Variants in TDRD12 observed in about 807,000 individuals in gnomAD.
TDRD12 encodes putative ATP-dependent RNA helicase TDRD12.
In TDRD12, 158 loss-of-function variants were observed where a neutral mutation model predicts 133.5. That is an observed-to-expected ratio of 1.18 (90% CI 1.04 to 1.35). The LOEUF (loss-of-function observed/expected upper bound fraction) is 1.35. Ranked by LOEUF, TDRD12 falls within the 40% of genes most tolerant of loss-of-function variation. The pLI is 0.00. For synonymous variants in TDRD12, 460 were observed against 477.9 expected, an observed-to-expected ratio of 0.96 and a Z score of 0.49; for missense variants, 1,443 against 1,321.3, an observed-to-expected ratio of 1.09 and a Z score of -1.43.
At chr19:32,732,361 G>A (rs1017710227) in intron 2 of TDRD12, among the ~76,000 whole-genome samples, 2 of 152,132 alleles carry the variant, frequency 1.3e-5, no homozygotes, top group African/African-American at 4.8e-5. Context: ...GGGGGTGGCC[G>A]CCATGTAAGG....
At chr19:32,773,260 C>T (rs962936352) in intron 9 of TDRD12, among the ~76,000 whole-genome samples, 196 bp from the exon 10 acceptor site, 1 of 152,168 alleles carries the variant, frequency 6.6e-6, no homozygotes, top group Admixed American at 6.6e-5. Flanking sequence ...GCCATTTGGA[C>T]ATTTAATGTA....
At chr19:32,816,123 A>AGT (rs1967173483) in intron 26 of TDRD12, among the ~76,000 whole-genome samples, 1 of 152,202 alleles carries the variant, frequency 6.6e-6, no homozygotes, top group Admixed American at 6.5e-5. Flanking sequence ...CTTTTGTTGG[A>AGT]GTATTATAAA....
At chr19:32,794,688 A>G (rs1360136200) in exon 14 of TDRD12, 5 of 702,984 alleles carry the variant, frequency 7.1e-6, no homozygotes, top group African/African-American at 1.7e-5. Flanking sequence ...TTGGCCTCCC[A>G]TAGCGCGTGG....
intron 11 of TDRD12, among the ~76,000 whole-genome samples, chr19:32,783,272 G>A (rs951807643): frequency 6.6e-6 from 1 of 152,188 alleles, no homozygotes; most frequent in African/African-American, 2.4e-5. Context: ...TAAGATGGCG[G>A]TAGATGTGTG....
At chr19:32,730,170 C>T (rs1049740939) in intron 1 of TDRD12, among the ~76,000 whole-genome samples, 2 of 152,158 alleles carry the variant, frequency 1.3e-5, no homozygotes, top group Non-Finnish European at 1.5e-5. Context: ...AAGAATGTGA[C>T]AGGTGTTCTT....
At chr19:32,799,236 G>A (rs1971316684) in intron 16 of TDRD12, among the ~76,000 whole-genome samples, 1 of 152,132 alleles carries the variant, frequency 6.6e-6, no homozygotes, top group South Asian at 2.1e-4. Flanking sequence ...ATGAGGCGGT[G>A]CAGGGTTCTT....
intron 21 of TDRD12, among the ~76,000 whole-genome samples, chr19:32,804,943 T>G (rs2145711097): frequency 6.6e-6 from 1 of 151,690 alleles, no homozygotes; most frequent in East Asian, 1.9e-4. Context: ...CATTCTCCTA[T>G]ATTTCTAGAA....
chr19:32,742,642 G>A (rs1969464891), intron 3 of TDRD12, 139 bp from the exon 4 acceptor site: 2 of 931,184 alleles, frequency 2.1e-6, no homozygotes. Context: ...CACTGTTGGT[G>A]GCCATATTAG....
intron 18 of TDRD12, among the ~76,000 whole-genome samples, chr19:32,801,487 A>T (rs1411469346): frequency 6.6e-6 from 1 of 152,200 alleles, no homozygotes; most frequent in Non-Finnish European, 1.5e-5. Flanking sequence ...ATACACACAC[A>T]CAAGTATGGC....
At chr19:32,735,922 A>G (rs2145450137) in intron 2 of TDRD12, among the ~76,000 whole-genome samples, 1 of 152,188 alleles carries the variant, frequency 6.6e-6, no homozygotes, top group East Asian at 1.9e-4. Flanking sequence ...GTGAGCTGAG[A>G]TGGCACCACT....
intron 3 of TDRD12, among the ~76,000 whole-genome samples, chr19:32,741,840 G>A (rs1340908299): frequency 1.3e-5 from 2 of 152,158 alleles, no homozygotes; most frequent in East Asian, 1.9e-4. Flanking sequence ...TTGAGGCCAG[G>A]AGTTCAAGAC....
chr19:32,749,991 A>C (rs1969777132), intron 6 of TDRD12, 122 bp downstream of exon 6: 1 of 716,368 alleles, frequency 1.4e-6, no homozygotes, highest in Non-Finnish European at 2.2e-6. Context: ...TTAATCTCTT[A>C]AGGTCTATCT....
At chr19:32,751,047 G>A (rs1232326749) in intron 6 of TDRD12, among the ~76,000 whole-genome samples, 3 of 151,984 alleles carry the variant, frequency 2.0e-5, no homozygotes, top group South Asian at 2.1e-4. Context: ...AGATCATCCC[G>A]TGACCTAGGT....
Position 32,774,964 on chromosome 19 carries a change from A to G in TDRD12, c.1040+1432A>G, listed in dbSNP as rs1413005851. Among the ~76,000 whole-genome samples, 3 of 152,032 alleles carry G rather than the reference A, an allele frequency of 2.0e-5. No homozygotes were observed. The East Asian group carries it at 5.8e-4, about 29-fold the overall frequency. ...CACACCACTGCACTCCAGCCTGGGC[A>G]ACAGAACAAGACTCCGTTTCAAAAA... is the stretch of plus-strand genomic sequence containing the variant. On this transcript the variant is annotated intron_variant, in intron 10 of 27. Coordinates refer to ENST00000444215, the Ensembl canonical transcript of TDRD12.
At chr19:32,817,297 C>T (rs186987326) in intron 26 of TDRD12, among the ~76,000 whole-genome samples, 22 of 152,112 alleles carry the variant, frequency 1.4e-4, no homozygotes, top group Admixed American at 1.4e-3. Flanking sequence ...GTCCACCCCC[C>T]GCCCAGCCCC....
intron 1 of TDRD12, among the ~76,000 whole-genome samples, chr19:32,726,676 AGGATTGCTTGAGG>A (rs1187376479): frequency 1.3e-5 from 2 of 151,982 alleles, no homozygotes; most frequent in African/African-American, 2.4e-5. Context: ...GCTTGAGGTG[AGGATTGCTTGAGG>A]TGAGGATTGC....
chr19:32,815,397 T>C (rs1404737400), intron 25 of TDRD12, 51 bp from the exon 26 acceptor site: 1 of 1,451,418 alleles, frequency 6.9e-7, no homozygotes, highest in Non-Finnish European at 9.3e-7. Context: ...TATGCTTCAG[T>C]TAAAATTCAG....
intron 1 of TDRD12, among the ~76,000 whole-genome samples, chr19:32,723,170 G>T (rs889895043): frequency 3.3e-5 from 5 of 151,968 alleles, no homozygotes; most frequent in Non-Finnish European, 5.9e-5. Flanking sequence ...AAAATCAATT[G>T]ACTATATGTG....
At chr19:32,752,260 A>T (rs1599858910) in intron 6 of TDRD12, among the ~76,000 whole-genome samples, 1 of 151,508 alleles carries the variant, frequency 6.6e-6, no homozygotes, top group Non-Finnish European at 1.5e-5. Flanking sequence ...GCTCACTGCA[A>T]CCTCCGCCTC....
Sources: gnomAD v4.1 joint callset for allele counts (sites outside exome capture counted in the v4.1 genomes callset) on GRCh38, gnomAD v4.1.1 for gene constraint, MANE v1.5 for transcripts, NCBI Gene and HGNC (gene_info 2026-07-23, HGNC 2026-07-21) for gene names.